Variants in SIK2 observed in about 807,000 individuals in gnomAD.
SIK2 encodes salt inducible kinase 2, also known as serine/threonine-protein kinase SIK2.
Under a neutral mutation model 103.2 loss-of-function variants are expected in SIK2, and 29 were observed. The observed-to-expected ratio is 0.28, with a 90% CI of 0.21 to 0.38. The LOEUF is 0.38. Among genes scored for constraint, SIK2 ranks in the 10% least tolerant of loss-of-function variants. The pLI is 1.00. For synonymous variants in SIK2, 412 were observed against 446.1 expected (o/e 0.92, Z 0.96); for missense variants, 879 against 1,171.0 (o/e 0.75, Z 3.64).
chr11:111,602,584 G>A lies in SIK2; in HGVS notation c.21G>A (p.Pro7=), dbSNP rs771793814. ...CCAGCATGGTCATGGCGGATGGCCC[G>A]AGGCACTTGCAGCGCGGGCCGGTCC... The part of the protein sequence containing the change: MVMADG[P]RHLQRGPVRV... The change falls in exon 1 of 15, where the codon CCG becomes CCA. Residue 7 remains proline (P), a synonymous_variant. Transcript: ENST00000304987. The surrounding 1 kb of genome is among the most constrained non-coding windows in gnomAD (Gnocchi z 4.5). The A allele has an allele frequency of 5.9e-6, 9 of 1,529,752 alleles. No homozygotes were observed. Among genetic ancestry groups the A allele is most frequent in the African/African-American group, 5.7e-5 (4 of 70,082 alleles). The allele number at this position is 1,529,752 out of a possible 1,614,324, so 94.8% of individuals were successfully genotyped here.
chr11:111,699,209 TA>T (rs1943153028), intron 4 of SIK2, among the ~76,000 whole-genome samples: 1 of 152,166 alleles, frequency 6.6e-6, no homozygotes, highest in South Asian at 2.1e-4. Context: ...CACTCCTGGA[TA>T]CCAAAGGCAG....
chr11:111,663,801 T>C (rs1942499101), intron 3 of SIK2, among the ~76,000 whole-genome samples: 1 of 152,190 alleles, frequency 6.6e-6, no homozygotes, highest in African/African-American at 2.4e-5. Flanking sequence ...GACACCATGC[T>C]CCAGATTTTA....
rs2135990150 is a variant in SIK2 at position 111,727,125 on chromosome 11, G to A, written c.*2996G>A. ...CCACTTTCACATTCCCGGTGACACT[G>A]ACCGTCCCCAGCTGCCCCCTCGCCA... is the stretch of plus-strand genomic sequence containing the variant. On this transcript the variant is annotated 3_prime_UTR_variant, in exon 15 of 15. Transcript: ENST00000304987. 2 of 1,407,922 alleles carry A rather than the reference G, an allele frequency of 1.4e-6. No individual in the cohort carries two copies. The highest frequency in any genetic ancestry group is 2.3e-5 in the South Asian group (2 of 85,734). 87.2% of individuals were successfully genotyped at this position (1,407,922 alleles called of 1,614,324 possible). A position where few individuals can be genotyped will look rare whatever the true frequency, so the allele number is the denominator to read the frequency against.
intron 3 of SIK2, among the ~76,000 whole-genome samples, chr11:111,686,720 T>C (rs1942851564): frequency 6.6e-6 from 1 of 152,262 alleles, no homozygotes; most frequent in African/African-American, 2.4e-5. Context: ...TTGATGTACA[T>C]AGTCACATAG....
At chr11:111,699,105 C>A (rs1402828339) in intron 4 of SIK2, among the ~76,000 whole-genome samples, 1 of 152,126 alleles carries the variant, frequency 6.6e-6, no homozygotes, top group African/African-American at 2.4e-5. Context: ...GAAGATAAGG[C>A]CTTTCTGACA....
intron 8 of SIK2, among the ~76,000 whole-genome samples, chr11:111,706,786 C>G (rs977194994): frequency 1.3e-5 from 2 of 151,512 alleles, no homozygotes; most frequent in Non-Finnish European, 2.9e-5. Flanking sequence ...ATGGTGAAAC[C>G]CCGTCTCTAC....
chr11:111,612,883 G>C (rs980493861), intron 1 of SIK2, among the ~76,000 whole-genome samples: 4 of 142,598 alleles, frequency 2.8e-5, no homozygotes, highest in Non-Finnish European at 6.0e-5. Context: ...ATCCTCTCCT[G>C]TAATAGCCTT....
chr11:111,607,470 A>G (rs1355009052), intron 1 of SIK2, among the ~76,000 whole-genome samples: 1 of 152,212 alleles, frequency 6.6e-6, no homozygotes, highest in East Asian at 1.9e-4. Context: ...TTTTAAAAAT[A>G]CATTTGAATT....
chr11:111,726,626 T>A lies in SIK2; in HGVS notation c.*2497T>A, dbSNP rs1474485129. 3.7e-5 allele frequency: 10 copies of A among 271,690 alleles called. No homozygotes were observed. Among genetic ancestry groups the A allele is most frequent in the Non-Finnish European group, 7.0e-5 (10 of 142,132 alleles). 16.8% of individuals were successfully genotyped at this position (271,690 alleles called of 1,614,324 possible). A position where few individuals can be genotyped will look rare whatever the true frequency, so the allele number is the denominator to read the frequency against. On this transcript the variant is annotated 3_prime_UTR_variant, in exon 15 of 15. Coordinates refer to ENST00000304987, the MANE Select transcript of SIK2 (RefSeq NM_015191.3). The stretch of plus-strand genomic sequence containing the variant: ...TTCTGTTGGTCAGTCAGGTGTTTGC[T>A]CAGCCCTGTCTGATCACCTGTGCTG...
At chr11:111,685,298 G>C (rs1454238882) in intron 3 of SIK2, among the ~76,000 whole-genome samples, 1 of 152,228 alleles carries the variant, frequency 6.6e-6, no homozygotes, top group East Asian at 1.9e-4. Context: ...TCCTATGGCA[G>C]GGGGCCGGGT....
chr11:111,629,265 A>T (rs1942006576), intron 3 of SIK2, among the ~76,000 whole-genome samples: 1 of 152,206 alleles, frequency 6.6e-6, no homozygotes, highest in African/African-American at 2.4e-5. Flanking sequence ...CTTACAAAAA[A>T]CTTACAAGGT....
intron 9 of SIK2, 23 bp downstream of exon 9, chr11:111,712,398 CAGAACTGGCAGTTTGGCGAG>C: frequency 6.2e-7 from 1 of 1,600,566 alleles, no homozygotes; most frequent in Non-Finnish European, 8.5e-7. Context: ...TTGAGAGTCT[CAGAACTGGCAGTTTGGCGAG>C]AGATTTCAGT....
intron 1 of SIK2, among the ~76,000 whole-genome samples, chr11:111,614,905 G>A (rs755383247): frequency 1.1e-4 from 17 of 152,170 alleles, no homozygotes; most frequent in African/African-American, 1.7e-4. Context: ...TTGGGAGGTC[G>A]AGGTGGGCGG....
chr11:111,609,179 T>A (rs1296993466), intron 1 of SIK2, among the ~76,000 whole-genome samples: 1 of 152,174 alleles, frequency 6.6e-6, no homozygotes, highest in African/African-American at 2.4e-5. Flanking sequence ...GTTTAAATAC[T>A]TTTTAAGATA....
intron 3 of SIK2, among the ~76,000 whole-genome samples, chr11:111,626,257 C>A (rs1223416535): frequency 6.6e-6 from 1 of 152,046 alleles, no homozygotes; most frequent in East Asian, 1.9e-4. Context: ...GGATAGTCTT[C>A]ACTAGTTTGG....
At chr11:111,664,242 G>A (rs542612187) in intron 3 of SIK2, among the ~76,000 whole-genome samples, 36 of 152,236 alleles carry the variant, frequency 2.4e-4, no homozygotes, top group Non-Finnish European at 4.3e-4. Flanking sequence ...GGGGCAAATC[G>A]TGTCTTCTAT....
rs568139966 is a variant in SIK2, at chr11:111,723,723, G to A, written c.2375G>A (p.Ser792Asn). 79 of 1,614,094 alleles carry A rather than the reference G, an allele frequency of 4.9e-5. 1 individual carries two copies. In the South Asian group the frequency reaches 8.6e-4, roughly 17 times the overall value. ...CAGATGCAATACAGCCCTTTCCTCA[G>A]CCAGTACCAAGAGATGCAGCTTCAG... ...SEQMQYSPFL[S>N]QYQEMQLQPL... The change falls in exon 15 of 15, where the codon AGC (serine) becomes AAC (asparagine). Residue 792 changes from serine (S) to asparagine (N), a missense_variant. Ser to Asn is a conservative substitution (Grantham distance 46). Around this residue, in one of 7 missense-constraint regions of SIK2, gnomAD observed 375 missense variants for 416.3 expected, o/e 0.90. Transcript: ENST00000304987.
Position 111,606,484 on chromosome 11 carries a change from T to G in SIK2, c.135+3786T>G, listed in dbSNP as rs147135027. Among the ~76,000 whole-genome samples, 1,224 of 152,172 alleles carry G rather than the reference T, an allele frequency of 8.0e-3. 20 individuals are homozygous for G. The highest frequency in any genetic ancestry group is 0.028 in the African/African-American group (1,164 of 41,560). Reference sequence around the variant, plus strand: ...ATTATGTTCTTTTTTCTACTTAATATTATAACCTAGGCGTTTTGTTTATTA... The same window carrying G: ...ATTATGTTCTTTTTTCTACTTAATAGTATAACCTAGGCGTTTTGTTTATTA... On this transcript the variant is annotated intron_variant, in intron 1 of 14. Coordinates refer to ENST00000304987, the MANE Select transcript of SIK2 (RefSeq NM_015191.3).
chr11:111,715,936 G>A (rs1451980851), intron 9 of SIK2, among the ~76,000 whole-genome samples: 5 of 151,574 alleles, frequency 3.3e-5, no homozygotes, highest in Non-Finnish European at 7.4e-5. Flanking sequence ...TGAGTAGCTG[G>A]GAGTACAGGC....
Sources: gnomAD v4.1 joint callset for allele counts (sites outside exome capture counted in the v4.1 genomes callset) on GRCh38, gnomAD v4.1.1 for gene constraint, gnomAD v4.1.1 regional missense constraint, Gnocchi (gnomAD v3.1) non-coding constraint, MANE v1.5 for transcripts, NCBI Gene and HGNC (gene_info 2026-07-23, HGNC 2026-07-21) for gene names.